Variants in IGSF21 observed in about 807,000 individuals in gnomAD.
The protein encoded by IGSF21 is immunoglobin superfamily member 21.
In IGSF21, 28 loss-of-function variants were observed where a neutral mutation model predicts 46.8. That is an observed-to-expected ratio of 0.60 (90% CI 0.44 to 0.82). IGSF21 has a LOEUF of 0.82. Among genes scored for constraint, IGSF21 ranks in the 40% least tolerant of loss-of-function variants. IGSF21 has a pLI of 0.00. For missense variants in IGSF21, 624 were observed against 665.5 expected, an observed-to-expected ratio of 0.94 and a Z score of 0.69; for synonymous variants, 284 against 273.6, an observed-to-expected ratio of 1.04 and a Z score of -0.38.
chr1:18,297,221 G>C (rs954569551), intron 3 of IGSF21, among the ~76,000 whole-genome samples: 2 of 152,186 alleles, frequency 1.3e-5, no homozygotes, highest in African/African-American at 4.8e-5. Flanking sequence ...GCATGTGGTA[G>C]ATGATTTGTA....
chr1:18,313,440 C>T (rs1327536823), intron 3 of IGSF21, among the ~76,000 whole-genome samples: 1 of 152,184 alleles, frequency 6.6e-6, no homozygotes, highest in Non-Finnish European at 1.5e-5. Context: ...TCTCTCCATG[C>T]CTTGGTTTCC....
At chr1:18,187,060 C>T (rs564879738) in intron 1 of IGSF21, among the ~76,000 whole-genome samples, 31 of 152,196 alleles carry the variant, frequency 2.0e-4, no homozygotes, top group African/African-American at 7.0e-4. Flanking sequence ...CTGTAAACTG[C>T]GTGGCTTCAA....
intron 2 of IGSF21, among the ~76,000 whole-genome samples, chr1:18,229,314 C>T (rs2084600785): frequency 6.6e-6 from 1 of 152,202 alleles, no homozygotes; most frequent in South Asian, 2.1e-4. Context: ...CACATCTACA[C>T]ACAGAGCATG....
intron 2 of IGSF21, among the ~76,000 whole-genome samples, chr1:18,252,466 G>A (rs1210741537): frequency 6.6e-6 from 1 of 152,176 alleles, no homozygotes; most frequent in East Asian, 1.9e-4. Flanking sequence ...TGCTTCAGAG[G>A]TGGCCGTAGC....
intron 1 of IGSF21, among the ~76,000 whole-genome samples, chr1:18,145,728 C>T (rs116857751): frequency 6.6e-6 from 1 of 152,300 alleles, no homozygotes; most frequent in East Asian, 1.9e-4. Flanking sequence ...CTCAGGGCGG[C>T]AAATGTGGCA....
chr1:18,143,650 C>A (rs1376448602), intron 1 of IGSF21, among the ~76,000 whole-genome samples: 3 of 152,148 alleles, frequency 2.0e-5, no homozygotes, highest in Admixed American at 6.5e-5. Context: ...GGAGGAATCA[C>A]CTTCCCAGGG....
chr1:18,131,447 AC>A (rs2086321143), intron 1 of IGSF21, among the ~76,000 whole-genome samples: 1 of 152,228 alleles, frequency 6.6e-6, no homozygotes, highest in Admixed American at 6.5e-5. Context: ...TGGGCAAGTT[AC>A]TTCACATCTC....
At chr1:18,195,049 C>G (rs1476758493) in intron 1 of IGSF21, among the ~76,000 whole-genome samples, 2 of 152,176 alleles carry the variant, frequency 1.3e-5, no homozygotes, top group African/African-American at 4.8e-5. Context: ...ATGGGTGGAA[C>G]AGCCCCCATG....
At chr1:18,282,963 G>T (rs373790) in intron 2 of IGSF21, among the ~76,000 whole-genome samples, 4,844 of 152,272 alleles carry the variant, frequency 0.032, 245 homozygotes, top group African/African-American at 0.11. Context: ...CGGATGCACA[G>T]ATGCACACCC....
chr1:18,197,085 A>G (rs1043346593), intron 1 of IGSF21, among the ~76,000 whole-genome samples: 3 of 152,262 alleles, frequency 2.0e-5, no homozygotes, highest in Non-Finnish European at 4.4e-5. Context: ...CTTTTCAGGC[A>G]GCCTCTCTGT....
At chr1:18,174,974 G>A (rs1285697392) in intron 1 of IGSF21, among the ~76,000 whole-genome samples, 1 of 152,218 alleles carries the variant, frequency 6.6e-6, no homozygotes, top group African/African-American at 2.4e-5. Context: ...CATCAGTACA[G>A]TCCCCTGAGG....
intron 1 of IGSF21, among the ~76,000 whole-genome samples, chr1:18,124,379 A>T (rs1330868825): frequency 1.3e-5 from 2 of 152,186 alleles, no homozygotes; most frequent in African/African-American, 2.4e-5. Flanking sequence ...ATTTTACAGG[A>T]GAAAGAACTA....
rs1489813890 is a variant in IGSF21 at position 18,290,791 on chromosome 1, T to C, written c.184-1075T>C. ...GGGAAGCTGCTTTCAGCATCCCCCC[T>C]ACCCCAGCCCCTTGGAGTCACCCGT... On this transcript the variant is annotated intron_variant, in intron 2 of 9. Transcript: ENST00000251296. The surrounding 1 kb of genome is among the most constrained non-coding windows in gnomAD (Gnocchi z 4.2). Among the ~76,000 whole-genome samples the C allele has an allele frequency of 6.6e-6, 1 of 151,840 alleles. No individual in the cohort carries two copies. The highest frequency in any genetic ancestry group is 2.4e-5 in the African/African-American group (1 of 41,358).
intron 2 of IGSF21, among the ~76,000 whole-genome samples, chr1:18,267,159 T>C (rs1411591352): frequency 6.6e-6 from 1 of 152,182 alleles, no homozygotes; most frequent in Non-Finnish European, 1.5e-5. Context: ...GAATGGGTTG[T>C]CTAATAGGTG....
intron 4 of IGSF21, among the ~76,000 whole-genome samples, chr1:18,350,419 G>A (rs933895382): frequency 3.9e-5 from 6 of 152,282 alleles, no homozygotes; most frequent in African/African-American, 1.4e-4. Flanking sequence ...ATCAAGCCCT[G>A]CCACCCTGGC....
Position 18,111,252 on chromosome 1 carries a change from C to T in IGSF21, c.70+3054C>T, listed in dbSNP as rs1252541090. 3 of 152,196 alleles carry T rather than the reference C, an allele frequency of 2.0e-5. No homozygotes were observed. In the South Asian group the frequency reaches 6.2e-4, roughly 32 times the overall value. 9.4% of individuals were successfully genotyped at this position (152,196 alleles called of 1,614,324 possible). Reference sequence around the variant, plus strand: ...CCCTTGCAGGCTGCCTCGCCCATGCCCCTCCAGCGTGGCCCCGCCCCTAGC... The same window carrying T: ...CCCTTGCAGGCTGCCTCGCCCATGCTCCTCCAGCGTGGCCCCGCCCCTAGC... On this transcript the variant is annotated intron_variant, in intron 1 of 9. Transcript: ENST00000251296.
intron 1 of IGSF21, among the ~76,000 whole-genome samples, chr1:18,208,644 G>A (rs897551777): frequency 1.4e-5 from 2 of 142,774 alleles, no homozygotes; most frequent in Admixed American, 7.5e-5. Context: ...TTATCCGCCC[G>A]CCTCGGCCTC....
At chr1:18,205,417 A>G (rs1400513619) in intron 1 of IGSF21, among the ~76,000 whole-genome samples, 1 of 152,126 alleles carries the variant, frequency 6.6e-6, no homozygotes, top group African/African-American at 2.4e-5. Flanking sequence ...CTTTCCAGCG[A>G]GAAAAATCAT....
intron 1 of IGSF21, among the ~76,000 whole-genome samples, chr1:18,162,973 A>G (rs532801585): frequency 6.6e-6 from 1 of 152,252 alleles, no homozygotes; most frequent in East Asian, 1.9e-4. Flanking sequence ...TGATGGTGTC[A>G]CATTGGGGGT....
Sources: gnomAD v4.1 joint callset for allele counts (sites outside exome capture counted in the v4.1 genomes callset) on GRCh38, gnomAD v4.1.1 for gene constraint, Gnocchi (gnomAD v3.1) non-coding constraint, MANE v1.5 for transcripts, NCBI Gene and HGNC (gene_info 2026-07-23, HGNC 2026-07-21) for gene names.